The following UST variants were observed in gnomAD, a reference collection of about 807,000 sequenced individuals.
UST encodes chondroitin sulfate 2-O-sulfotransferase.
Under a neutral mutation model 45.6 loss-of-function variants are expected in UST, and 21 were observed. That is an observed-to-expected ratio of 0.46 (90% confidence interval 0.33 to 0.66). UST has a LOEUF of 0.66. Ranked by LOEUF, UST falls within the 30% of genes least tolerant of loss-of-function variation. The pLI is 0.02. For synonymous variants in UST, 215 were observed against 200.6 expected, an observed-to-expected ratio of 1.07 and a Z score of -0.61; for missense variants, 463 against 512.4, an observed-to-expected ratio of 0.90 and a Z score of 0.93.
intron 1 of UST, among the ~76,000 whole-genome samples, chr6:148,837,132 T>C (rs1232039498): frequency 6.6e-6 from 1 of 152,188 alleles, no homozygotes; most frequent in Non-Finnish European, 1.5e-5. Context: ...TGTGTTAGCA[T>C]TTTAGGTGGC....
chr6:149,007,849 T>C (rs912840180), intron 5 of UST, among the ~76,000 whole-genome samples: 2 of 152,220 alleles, frequency 1.3e-5, no homozygotes, highest in African/African-American at 4.8e-5. Context: ...TCTTGCTGTC[T>C]TACATTTTTG....
intron 5 of UST, among the ~76,000 whole-genome samples, chr6:149,003,071 G>T (rs2486389): frequency 0.29 from 43,508 of 152,024 alleles, 6,344 homozygotes; most frequent in African/African-American, 0.35. Flanking sequence ...TTGAATTGTT[G>T]AAACACAATG....
intron 5 of UST, among the ~76,000 whole-genome samples, chr6:148,976,501 C>T (rs535934833): frequency 5.3e-5 from 8 of 152,260 alleles, no homozygotes; most frequent in South Asian, 2.1e-4. Flanking sequence ...ATCAGGATTC[C>T]GGGAGCGTGG....
At chr6:148,822,467 T>C (rs1217263230) in intron 1 of UST, among the ~76,000 whole-genome samples, 4 of 152,268 alleles carry the variant, frequency 2.6e-5, no homozygotes, top group African/African-American at 7.2e-5. Context: ...GACGTGATAA[T>C]TCTTAATTGG....
At chr6:149,039,584 ACAG>A (rs1776282165) in intron 7 of UST, among the ~76,000 whole-genome samples, 3 of 152,214 alleles carry the variant, frequency 2.0e-5, no homozygotes, top group African/African-American at 7.2e-5. Context: ...ACACAGCCAG[ACAG>A]TCTAAGGACC....
chr6:148,829,273 C>T (rs1331965667), intron 1 of UST, among the ~76,000 whole-genome samples: 5 of 152,140 alleles, frequency 3.3e-5, no homozygotes, highest in African/African-American at 9.7e-5. Flanking sequence ...TGGGCGTGCA[C>T]CTCTGCACCT....
At chr6:148,896,839 A>T (rs529588858) in intron 2 of UST, among the ~76,000 whole-genome samples, 8 of 152,190 alleles carry the variant, frequency 5.3e-5, no homozygotes, top group African/African-American at 1.9e-4. Context: ...ATCAGATCTC[A>T]GTTCAAATCC....
chr6:148,759,525 C>G (rs1219205819), intron 1 of UST, among the ~76,000 whole-genome samples: 1 of 133,310 alleles, frequency 7.5e-6, no homozygotes, highest in African/African-American at 2.8e-5. Context: ...AGACTCCATC[C>G]CAAAATAAAT....
chr6:148,965,876 C>CTTTTTTTTTTTTTTT (rs56202168), intron 5 of UST, among the ~76,000 whole-genome samples: 2 of 126,238 alleles, frequency 1.6e-5, no homozygotes, highest in East Asian at 2.2e-4. Flanking sequence ...TGGCTTTTCC[C>CTTTTTTTTTTTTTTT]TTTTTTTTTT....
chr6:149,054,068 C>G (rs1423531388), intron 7 of UST, among the ~76,000 whole-genome samples: 3 of 152,304 alleles, frequency 2.0e-5, no homozygotes, highest in South Asian at 4.1e-4. Context: ...CCCATCCCCC[C>G]ATGCCCAGCA....
rs767518867 is a variant in UST at position 148,747,469 on chromosome 6, T to C, written c.39T>C (p.Asp13=). ...KKQQHPGGGA[D]PWPHGAPMGG... ...AGCAGCATCCCGGCGGCGGCGCGGATCCCTGGCCCCATGGGGCCCCTATGG... is the reference window on the plus strand; with the variant it reads ...AGCAGCATCCCGGCGGCGGCGCGGACCCCTGGCCCCATGGGGCCCCTATGG... Residue 13 remains aspartate, a synonymous_variant, in exon 1 of 8, where the codon GAT becomes GAC. Transcript: ENST00000367463. 3 of 1,466,796 alleles carry C rather than the reference T, an allele frequency of 2.0e-6. No homozygotes were observed. The highest frequency in any genetic ancestry group is 5.6e-5 in the East Asian group (2 of 35,934). 90.9% of individuals were successfully genotyped at this position (1,466,796 alleles called of 1,614,324 possible).
chr6:148,986,688 T>C (rs1781243445), intron 5 of UST, among the ~76,000 whole-genome samples: 1 of 152,250 alleles, frequency 6.6e-6, no homozygotes, highest in Non-Finnish European at 1.5e-5. Flanking sequence ...GACAATTGGC[T>C]TCATGATTCC....
At chr6:149,018,137 T>G (rs540697266) in intron 5 of UST, among the ~76,000 whole-genome samples, 89 of 152,336 alleles carry the variant, frequency 5.8e-4, no homozygotes, top group African/African-American at 2.0e-3. Flanking sequence ...TGAAGAAGTA[T>G]GAGGGGATTA....
intron 5 of UST, among the ~76,000 whole-genome samples, chr6:148,976,625 G>T (rs929381258): frequency 1.3e-5 from 2 of 152,156 alleles, no homozygotes; most frequent in Non-Finnish European, 2.9e-5. Flanking sequence ...AGGATAAGTT[G>T]CATTTCTCTC....
chr6:148,867,336 G>A (rs1339422105), intron 1 of UST, among the ~76,000 whole-genome samples: 1 of 145,782 alleles, frequency 6.9e-6, no homozygotes, highest in Non-Finnish European at 1.5e-5. Context: ...ACATATATAT[G>A]TACGTATGTA....
intron 2 of UST, among the ~76,000 whole-genome samples, chr6:148,893,769 C>G (rs923039879): frequency 1.3e-5 from 2 of 152,152 alleles, no homozygotes; most frequent in Admixed American, 6.5e-5. Context: ...GATGCACACT[C>G]AACACAAGGA....
chr6:149,047,699 G>A (rs530695751), intron 7 of UST, among the ~76,000 whole-genome samples: 1 of 152,172 alleles, frequency 6.6e-6, no homozygotes, highest in South Asian at 2.1e-4. Flanking sequence ...CAAACCAAGA[G>A]GACAGACCAT....
At chr6:148,761,101 G>A (rs116736743) in intron 1 of UST, among the ~76,000 whole-genome samples, 121 of 152,334 alleles carry the variant, frequency 7.9e-4, no homozygotes, top group African/African-American at 2.8e-3. Flanking sequence ...TTCTGAGGGT[G>A]TTAGCAGGAG....
intron 7 of UST, among the ~76,000 whole-genome samples, chr6:149,043,017 TTCTTTTTCTTTC>T (rs1288102916): frequency 3.8e-4 from 52 of 135,584 alleles, no homozygotes; most frequent in African/African-American, 1.2e-3. Context: ...CTTTCTTTCT[TTCTTTTTCTTTC>T]TTTCTTTCTT....
Sources: allele counts gnomAD v4.1 joint callset (sites outside exome capture counted in the v4.1 genomes callset), GRCh38; gene constraint gnomAD v4.1.1; transcripts MANE v1.5; gene names NCBI Gene and HGNC (gene_info 2026-07-23, HGNC 2026-07-21).